PTGIS: variants seen among roughly 807,000 people sequenced by gnomAD.
The protein encoded by PTGIS is prostacyclin synthase.
A neutral mutation model predicts 50.3 loss-of-function variants in PTGIS; 45 were observed. That is an observed-to-expected ratio of 0.90 (90% CI 0.70 to 1.15). The LOEUF (loss-of-function observed/expected upper bound fraction) is 1.15, where lower values mean the gene tolerates loss of function less well. Among genes scored for constraint, PTGIS ranks in the 50% most tolerant of loss-of-function variants. The probability of loss-of-function intolerance (pLI) is 0.00; values close to 1 mark genes in which losing one functional copy is unlikely to be tolerated. For missense variants in PTGIS, 668 were observed against 661.3 expected (o/e 1.01, Z -0.11); for synonymous variants, 260 against 267.7 (o/e 0.97, Z 0.28).
In PTGIS at chr20:49,568,045, C is replaced by T; in HGVS notation, c.72G>A (p.Thr24=). 1 of 1,480,788 alleles carries T rather than the reference C, an allele frequency of 6.8e-7. No individual in the cohort carries two copies. The highest frequency in any genetic ancestry group is 8.9e-7 in the Non-Finnish European group (1 of 1,122,014). The allele number at this position is 1,480,788 out of a possible 1,614,324, so 91.7% of individuals were successfully genotyped here. ...LLLLLLSRRR[T]RRPGEPPLDL... ...GCCGAGCGGAGCAGGACACTCACCG[C>T]GTGCGGCGGCGGCTCAGTAGCAGCA... is the stretch of plus-strand genomic sequence containing the variant. The change falls in exon 1 of 10, where the codon ACG becomes ACA. Residue 24 remains threonine (T), a splice_region_variant and synonymous_variant. Coordinates refer to ENST00000244043, the MANE Select transcript of PTGIS (RefSeq NM_000961.4).
At position 49,507,863 on chromosome 20, in the gene PTGIS, G is replaced by C; in HGVS notation, c.*57C>G. On this transcript the variant is annotated 3_prime_UTR_variant, in exon 10 of 10. Transcript: ENST00000244043. ...GTGCACACAGAAAGCTGGGAGGCTG[G>C]GGCAGGCTGGGGCAGGCTGGGCAGA... is the stretch of plus-strand genomic sequence containing the variant. The C allele has an allele frequency of 6.3e-7, 1 of 1,599,844 alleles. No homozygotes were observed. Among genetic ancestry groups the C allele is most frequent in the South Asian group, 1.1e-5 (1 of 90,672 alleles).
At chr20:49,508,111 G>A (rs769198553) in intron 9 of PTGIS, 47 bp from the exon 10 acceptor site, 2 of 1,607,478 alleles carry the variant, frequency 1.2e-6, no homozygotes, top group African/African-American at 1.3e-5. Flanking sequence ...AGTAGGGCAG[G>A]GGGTTATCGG....
In PTGIS at chr20:49,531,560, T is replaced by A. The variant is rs182825658; in HGVS notation, c.674-7321A>T. Among the ~76,000 whole-genome samples the A allele has an allele frequency of 2.8e-3, 428 of 152,334 alleles. 4 individuals are homozygous for A. Among genetic ancestry groups the A allele is most frequent in the African/African-American group, 9.7e-3 (402 of 41,566 alleles). ...CAAAAATCAAAAAAAGACAAAATTT[T>A]AAAAATCTTCCCACTGGGAAAACAG... On this transcript the variant is annotated intron_variant, in intron 5 of 9. Coordinates refer to ENST00000244043, the MANE Select transcript of PTGIS (RefSeq NM_000961.4).
chr20:49,520,326 C>T (rs1981615468), intron 6 of PTGIS, among the ~76,000 whole-genome samples: 3 of 150,444 alleles, frequency 2.0e-5, no homozygotes, highest in Admixed American at 1.3e-4. Flanking sequence ...AGAACACATT[C>T]CCTCTAATAC....
chr20:49,541,456 G>A (rs966009953), intron 4 of PTGIS, among the ~76,000 whole-genome samples: 3 of 152,206 alleles, frequency 2.0e-5, no homozygotes, highest in Non-Finnish European at 4.4e-5. Flanking sequence ...AACCGGCCGG[G>A]AGAGGTGGCT....
At chr20:49,514,166 G>A (rs1195814106) in intron 7 of PTGIS, 61 bp downstream of exon 7, 3 of 1,593,846 alleles carry the variant, frequency 1.9e-6, no homozygotes, top group Admixed American at 3.3e-5. Flanking sequence ...GTTGGGGAGG[G>A]CTTTGGGGGT....
chr20:49,506,393 A>G lies in PTGIS; in HGVS notation c.*1527T>C, dbSNP rs150600177. ...TTTTATTTTAATTAATTATTTATTTATTGAGACAGAGTCTTGCTCTGTCGC... is the reference window on the plus strand; with the variant it reads ...TTTTATTTTAATTAATTATTTATTTGTTGAGACAGAGTCTTGCTCTGTCGC... On this transcript the variant is annotated 3_prime_UTR_variant, in exon 10 of 10. Coordinates refer to ENST00000244043, the MANE Select transcript of PTGIS (RefSeq NM_000961.4). The G allele has an allele frequency of 1.3e-5, 2 of 152,214 alleles. No homozygotes were observed. Among genetic ancestry groups the G allele is most frequent in the African/African-American group, 4.8e-5 (2 of 41,530 alleles). 9.4% of individuals were successfully genotyped at this position (152,214 alleles called of 1,614,324 possible). A position where few individuals can be genotyped will look rare whatever the true frequency, so the allele number is the denominator to read the frequency against.
chr20:49,541,352 C>T (rs2122879219), intron 4 of PTGIS, among the ~76,000 whole-genome samples: 1 of 152,338 alleles, frequency 6.6e-6, no homozygotes, highest in East Asian at 1.9e-4. Context: ...TTTATCATCA[C>T]ACTTGCACTG....
intron 2 of PTGIS, 61 bp from the exon 3 acceptor site, chr20:49,548,080 T>C (rs150818638): frequency 0.012 from 18,147 of 1,515,340 alleles, 178 homozygotes; most frequent in Non-Finnish European, 0.014. Flanking sequence ...CCGCTCTCAG[T>C]GGTCAGGGCC....
At chr20:49,567,789 G>A (rs915844580) in intron 1 of PTGIS, among the ~76,000 whole-genome samples, 1 of 152,206 alleles carries the variant, frequency 6.6e-6, no homozygotes, top group Non-Finnish European at 1.5e-5. Flanking sequence ...TTGTCGCGGT[G>A]GGCGATTCGC....
chr20:49,508,858 G>A (rs1453463338), intron 9 of PTGIS, among the ~76,000 whole-genome samples: 1 of 152,180 alleles, frequency 6.6e-6, no homozygotes, highest in Non-Finnish European at 1.5e-5. Flanking sequence ...AGCCCTACGG[G>A]GGATGTCAAC....
chr20:49,560,996 T>G (rs1052787380), intron 1 of PTGIS, among the ~76,000 whole-genome samples: 6 of 152,108 alleles, frequency 3.9e-5, no homozygotes, highest in African/African-American at 1.4e-4. Flanking sequence ...GTCAGGGAAC[T>G]ACCGTGACCC....
At chr20:49,560,254 C>T (rs879789611) in intron 1 of PTGIS, among the ~76,000 whole-genome samples, 5 of 150,640 alleles carry the variant, frequency 3.3e-5, no homozygotes, top group Non-Finnish European at 5.9e-5. Context: ...AGCTGGAGGG[C>T]CGTGGCATGA....
chr20:49,562,218 A>G (rs561219512), intron 1 of PTGIS, among the ~76,000 whole-genome samples: 2 of 152,244 alleles, frequency 1.3e-5, no homozygotes, highest in East Asian at 3.9e-4. Context: ...TTTTGCAGAG[A>G]TATTCCAGAG....
chr20:49,528,662 AT>A (rs1028321843), intron 5 of PTGIS, among the ~76,000 whole-genome samples: 19 of 152,166 alleles, frequency 1.2e-4, no homozygotes, highest in African/African-American at 4.6e-4. Context: ...TGATTGGATC[AT>A]GGATCAAATC....
At chr20:49,514,823 G>T (rs770233792) in intron 6 of PTGIS, among the ~76,000 whole-genome samples, 1 of 152,178 alleles carries the variant, frequency 6.6e-6, no homozygotes, top group Non-Finnish European at 1.5e-5. Flanking sequence ...GAGCCAGAGC[G>T]TATTTCCCCT....
At chr20:49,528,578 C>T (rs1362366533) in intron 5 of PTGIS, among the ~76,000 whole-genome samples, 2 of 152,158 alleles carry the variant, frequency 1.3e-5, no homozygotes, top group African/African-American at 4.8e-5. Flanking sequence ...GGAGATTGCA[C>T]CACTGCACTC....
intron 4 of PTGIS, among the ~76,000 whole-genome samples, chr20:49,542,881 C>T (rs1260548876): frequency 6.6e-6 from 1 of 152,094 alleles, no homozygotes; most frequent in East Asian, 1.9e-4. Context: ...GTTTTCTCAT[C>T]TGTCAAATGG....
At chr20:49,533,805 A>T (rs749575053) in intron 5 of PTGIS, among the ~76,000 whole-genome samples, 1 of 152,102 alleles carries the variant, frequency 6.6e-6, no homozygotes, top group Non-Finnish European at 1.5e-5. Flanking sequence ...AAAAAAGTAC[A>T]AACACATTAT....
Sources: allele counts gnomAD v4.1 joint callset (sites outside exome capture counted in the v4.1 genomes callset), GRCh38; gene constraint gnomAD v4.1.1; transcripts MANE v1.5; gene names NCBI Gene and HGNC (gene_info 2026-07-23, HGNC 2026-07-21).